Variants in CRAMP1 observed in about 807,000 individuals in gnomAD.
CRAMP1 encodes protein cramped-like.
In CRAMP1, 50 loss-of-function variants were observed where a neutral mutation model predicts 115.4. That is an observed-to-expected ratio of 0.43 (90% CI 0.35 to 0.55). The LOEUF is 0.55. Among genes scored for constraint, CRAMP1 ranks in the 20% least tolerant of loss-of-function variants. CRAMP1 has a pLI of 0.01. For synonymous variants in CRAMP1, 866 were observed against 745.4 expected (o/e 1.16, Z -2.64); for missense variants, 1,679 against 1,721.7 (o/e 0.98, Z 0.44).
intron 19 of CRAMP1, chr16:1,670,428 G>A (rs1456627318): frequency 1.8e-5 from 9 of 492,724 alleles, no homozygotes. Flanking sequence ...GTGAGGGTGG[G>A]AGACCGTGGG....
At chr16:1,632,486 C>T in intron 4 of CRAMP1, 121 bp downstream of exon 4, 1 of 1,007,462 alleles carries the variant, frequency 9.9e-7, no homozygotes, top group Admixed American at 2.8e-5. Context: ...AGCCGCTTGG[C>T]CTGGGGCTCC....
chr16:1,640,374 A>G (rs1294239785), intron 5 of CRAMP1, among the ~76,000 whole-genome samples: 2 of 152,044 alleles, frequency 1.3e-5, no homozygotes, highest in African/African-American at 4.8e-5. Context: ...GTGGTCATCT[A>G]TGCCCTCATT....
Position 1,668,056 on chromosome 16 carries a change from G to A in CRAMP1, c.3197G>A (p.Arg1066Gln), listed in dbSNP as rs776947246. 27 of 1,613,758 alleles carry A rather than the reference G, an allele frequency of 1.7e-5. No homozygotes were observed. The highest frequency in any genetic ancestry group is 8.9e-5 in the East Asian group (4 of 44,890). Residue 1066 changes from arginine to glutamine, a missense_variant, in exon 18 of 21, where the codon CGG becomes CAG. Arg to Gln is a conservative substitution (Grantham distance 43, BLOSUM62 1). This residue lies in a region of CRAMP1 where 709 missense variants were observed against 741.9 expected (regional missense o/e 0.96). Coordinates refer to ENST00000397412, the MANE Select transcript of CRAMP1 (RefSeq NM_020825.4). ...PLSSSESSST[R>Q]LSPPDVSALL... ...TCCTCGTCAGAGAGCTCCAGCACCC[G>A]GCTGTCTCCACCAGACGTCTCTGCT...
chr16:1,662,948 C>A (rs1002204677), intron 13 of CRAMP1, 113 bp downstream of exon 13: 1 of 757,948 alleles, frequency 1.3e-6, no homozygotes, highest in East Asian at 2.7e-5. Context: ...ATTCCTGCCC[C>A]TTCCTTCCCT....
In CRAMP1 at chr16:1,671,569, G is replaced by A. The variant is rs1292683225; in HGVS notation, c.3645+760G>A. Among the ~76,000 whole-genome samples the A allele has an allele frequency of 6.6e-6, 1 of 152,180 alleles. No homozygotes were observed. The highest frequency in any genetic ancestry group is 2.4e-5 in the African/African-American group (1 of 41,436). On this transcript the variant is annotated intron_variant, in intron 20 of 20. Transcript: ENST00000397412. The surrounding 1 kb of genome is among the most constrained non-coding windows in gnomAD (Gnocchi z 5.0). ...CAGGTGTGTGGGCAGTCGGGTGAGGGCTCTATGGACAGGGAGGGAACTCCA... is the reference window on the plus strand; with the variant it reads ...CAGGTGTGTGGGCAGTCGGGTGAGGACTCTATGGACAGGGAGGGAACTCCA...
At position 1,655,117 on chromosome 16, in the gene CRAMP1, G is replaced by A. The variant is rs1290706964; in HGVS notation, c.1038-102G>A. The A allele has an allele frequency of 3.9e-6, 4 of 1,027,106 alleles. No individual in the cohort carries two copies. In the Admixed American group the frequency reaches 7.5e-5, roughly 19 times the overall value. The allele number at this position is 1,027,106 out of a possible 1,614,324, so 63.6% of individuals were successfully genotyped here. ...CCGGGTGCCTCTCCAGAGGTCCCTT[G>A]TCTCTTTTGGCACCCTCCTGCTGTA... is the stretch of plus-strand genomic sequence containing the variant. On this transcript the variant is annotated intron_variant, in intron 8 of 20. Coordinates refer to ENST00000397412, the MANE Select transcript of CRAMP1 (RefSeq NM_020825.4).
At chr16:1,665,877 A>C in intron 14 of CRAMP1, 196 bp from the exon 15 acceptor site, 2 of 582,980 alleles carry the variant, frequency 3.4e-6, no homozygotes, top group East Asian at 2.8e-5. Context: ...GGTGGGTGCC[A>C]GAGCTTGTGT....
rs1016400262 is a variant in CRAMP1 at position 1,668,107 on chromosome 16, C to T, written c.3248C>T (p.Pro1083Leu). 23 of 1,613,646 alleles carry T rather than the reference C, an allele frequency of 1.4e-5. No individual in the cohort carries two copies. In the Middle Eastern group the frequency reaches 1.2e-3, roughly 81 times the overall value. Residue 1083 changes from proline (P) to leucine (L), a missense_variant, in exon 18 of 21, where the codon CCA becomes CTA. By Grantham distance (98) the Pro-to-Leu change is moderately conservative (BLOSUM62 -3). Around this residue, in one of 8 missense-constraint regions of CRAMP1, gnomAD observed 709 missense variants for 741.9 expected, o/e 0.96. Transcript: ENST00000397412. Reference sequence around the variant, plus strand: ...CTGCTCGACATCTCCCTGCCCGGCCCACCTGAGGATGCGCTGTCACAGGGC... The same window carrying T: ...CTGCTCGACATCTCCCTGCCCGGCCTACCTGAGGATGCGCTGTCACAGGGC... ...SALLDISLPGPPEDALSQGEP... is the reference protein window; with the variant it reads ...SALLDISLPGLPEDALSQGEP...
intron 13 of CRAMP1, among the ~76,000 whole-genome samples, 195 bp from the exon 14 acceptor site, chr16:1,664,862 A>G (rs931014602): frequency 6.6e-6 from 1 of 151,568 alleles, no homozygotes; most frequent in Non-Finnish European, 1.5e-5. Flanking sequence ...TGTTTGAGAG[A>G]GGACCTAACT....
At chr16:1,618,560 C>T (rs953846833) in intron 2 of CRAMP1, among the ~76,000 whole-genome samples, 2 of 152,200 alleles carry the variant, frequency 1.3e-5, no homozygotes, top group African/African-American at 4.8e-5. Context: ...CGAAGAACTT[C>T]AGTTCCATCA....
intron 6 of CRAMP1, among the ~76,000 whole-genome samples, chr16:1,646,819 A>G (rs1278938011): frequency 6.6e-6 from 1 of 152,246 alleles, no homozygotes; most frequent in Non-Finnish European, 1.5e-5. Flanking sequence ...TCTGCTTTGA[A>G]TTAACTTTTG....
Position 1,667,412 on chromosome 16 carries a change from T to C in CRAMP1, c.3102+12T>C. 6.2e-7 allele frequency: 1 copy of C among 1,610,008 alleles called. No individual in the cohort carries two copies. Among genetic ancestry groups the C allele is most frequent in the Non-Finnish European group, 8.5e-7 (1 of 1,178,070 alleles). On this transcript the variant is annotated intron_variant, in intron 17 of 20. Coordinates refer to ENST00000397412, the MANE Select transcript of CRAMP1 (RefSeq NM_020825.4). ...CAGACAGTTTCCAGGTAGAGTGTGC[T>C]CTTGGGCTGCTGAGCAAAGCAGCTG...
At chr16:1,641,095 C>G in intron 5 of CRAMP1, 44 bp from the exon 6 acceptor site, 9 of 1,405,004 alleles carry the variant, frequency 6.4e-6, no homozygotes, top group Non-Finnish European at 9.1e-6. Flanking sequence ...GGCTTTGCTC[C>G]TAACTACATT....
chr16:1,650,112 T>C (rs766959811), intron 6 of CRAMP1, among the ~76,000 whole-genome samples: 1 of 152,146 alleles, frequency 6.6e-6, no homozygotes, highest in African/African-American at 2.4e-5. Context: ...CCTAAACACT[T>C]GATTAAAGCC....
intron 5 of CRAMP1, among the ~76,000 whole-genome samples, chr16:1,638,461 G>A (rs1391714039): frequency 8.5e-5 from 13 of 152,198 alleles, no homozygotes; most frequent in Admixed American, 5.9e-4. Flanking sequence ...ACATTGCAAC[G>A]CGCTCAGGCC....
intron 8 of CRAMP1, 56 bp from the exon 9 acceptor site, chr16:1,655,163 G>T (rs1168833660): frequency 4.1e-6 from 6 of 1,474,500 alleles, no homozygotes; most frequent in Non-Finnish European, 5.7e-6. Flanking sequence ...GGACTCTTCA[G>T]ATGGTTTCCT....
intron 10 of CRAMP1, among the ~76,000 whole-genome samples, chr16:1,658,555 G>T (rs1046047375): frequency 5.3e-5 from 8 of 152,154 alleles, no homozygotes; most frequent in Admixed American, 2.6e-4. Flanking sequence ...GGGCCTGGCA[G>T]ACTGGACAGA....
intron 2 of CRAMP1, among the ~76,000 whole-genome samples, chr16:1,619,187 T>C (rs2036445726): frequency 6.6e-6 from 1 of 152,190 alleles, no homozygotes; most frequent in Non-Finnish European, 1.5e-5. Context: ...TTTTTGTTTT[T>C]GTTTTGTTTT....
chr16:1,658,735 G>A (rs775016487), intron 10 of CRAMP1, among the ~76,000 whole-genome samples: 7 of 152,226 alleles, frequency 4.6e-5, no homozygotes, highest in Non-Finnish European at 8.8e-5. Flanking sequence ...CATAGGAAGG[G>A]TCATGAGGTG....
Sources: allele counts gnomAD v4.1 joint callset (sites outside exome capture counted in the v4.1 genomes callset), GRCh38; gene constraint gnomAD v4.1.1; regional missense constraint gnomAD v4.1.1; non-coding constraint Gnocchi (gnomAD v3.1); transcripts MANE v1.5; gene names NCBI Gene and HGNC (gene_info 2026-07-23, HGNC 2026-07-21).